Variants in MTUS2 observed in about 807,000 individuals in gnomAD.
MTUS2 encodes the protein microtubule associated scaffold protein 2, also known as microtubule-associated tumor suppressor candidate 2.
Under a neutral mutation model 114.1 loss-of-function variants are expected in MTUS2, and 40 were observed. That is an observed-to-expected ratio of 0.35 (90% CI 0.27 to 0.46). MTUS2 has a LOEUF of 0.46. Ranked by LOEUF, MTUS2 falls within the 20% of genes least tolerant of loss-of-function variation. The pLI is 1.00. For synonymous variants in MTUS2, 688 were observed against 672.0 expected (o/e 1.02, Z -0.37); for missense variants, 1,679 against 1,705.4 (o/e 0.98, Z 0.27).
chr13:28,862,851 T>C (rs192760378), intron 2 of MTUS2, among the ~76,000 whole-genome samples: 3 of 152,290 alleles, frequency 2.0e-5, no homozygotes, highest in South Asian at 4.1e-4. Context: ...CAATTAAACA[T>C]GTATGAAAAA....
At chr13:28,829,841 T>G (rs1874539624) in intron 1 of MTUS2, among the ~76,000 whole-genome samples, 1 of 152,318 alleles carries the variant, frequency 6.6e-6, no homozygotes, top group South Asian at 2.1e-4. Context: ...TTAAAAACCT[T>G]TGATGTAGTC....
At chr13:29,293,338 A>G (rs918869387) in intron 6 of MTUS2, among the ~76,000 whole-genome samples, 46 of 152,320 alleles carry the variant, frequency 3.0e-4, no homozygotes, top group African/African-American at 1.1e-3. Context: ...GGCTATAAAC[A>G]TATGAAAAGA....
chr13:29,136,391 T>C (rs1211762533), intron 5 of MTUS2, among the ~76,000 whole-genome samples: 1 of 152,188 alleles, frequency 6.6e-6, no homozygotes, highest in Non-Finnish European at 1.5e-5. Flanking sequence ...TGCATGTTAA[T>C]GAGATGACAA....
Position 29,072,939 on chromosome 13 carries a change from A to T in MTUS2, c.2447-27834A>T, listed in dbSNP as rs376901314. 1.7e-3 allele frequency among the ~76,000 whole-genome samples: 258 copies of T among 152,310 alleles called. 1 individual carries two copies. The highest frequency in any genetic ancestry group is 6.0e-3 in the African/African-American group (250 of 41,568). The stretch of plus-strand genomic sequence containing the variant: ...AGCCTGACATTTGCAGCATTTATAT[A>T]TGACTTGTACCTTACCTTTTGCTAA... On this transcript the variant is annotated intron_variant, in intron 4 of 15. Coordinates refer to ENST00000612955, the MANE Select transcript of MTUS2 (RefSeq NM_001033602.4).
intron 6 of MTUS2, among the ~76,000 whole-genome samples, chr13:29,322,652 G>A (rs1343559205): frequency 6.6e-6 from 1 of 152,206 alleles, no homozygotes; most frequent in Non-Finnish European, 1.5e-5. Context: ...TGATGAGAGG[G>A]CCACAGTAGT....
At chr13:29,230,087 A>G (rs1232408537) in intron 5 of MTUS2, among the ~76,000 whole-genome samples, 2 of 152,092 alleles carry the variant, frequency 1.3e-5, no homozygotes, top group African/African-American at 4.8e-5. Context: ...TCTACTAAAA[A>G]TACAAAAAAT....
At chr13:29,093,513 G>T (rs772550488) in intron 4 of MTUS2, among the ~76,000 whole-genome samples, 1 of 152,114 alleles carries the variant, frequency 6.6e-6, no homozygotes, top group Non-Finnish European at 1.5e-5. Flanking sequence ...ATTCCTTTTG[G>T]TCTACTGTAA....
intron 8 of MTUS2, among the ~76,000 whole-genome samples, chr13:29,383,244 G>GTATATATATATATTTATTTATT (rs1295576309): frequency 1.3e-4 from 7 of 53,450 alleles, no homozygotes; most frequent in South Asian, 1.4e-3. Context: ...GTGTGTGTGT[G>GTATATATATATATTTATTTATT]TGTGTGTGTA....
intron 5 of MTUS2, among the ~76,000 whole-genome samples, chr13:29,202,864 G>T (rs992413296): frequency 2.0e-5 from 3 of 152,196 alleles, no homozygotes; most frequent in Non-Finnish European, 4.4e-5. Flanking sequence ...ATTGCTGCCT[G>T]TTCCTTCCTC....
intron 2 of MTUS2, among the ~76,000 whole-genome samples, chr13:29,021,789 C>T (rs527743767): frequency 2.6e-4 from 39 of 152,260 alleles, no homozygotes; most frequent in African/African-American, 8.7e-4. Context: ...TCAAGGGAAA[C>T]GCTTTTAAAA....
Position 29,024,494 on chromosome 13 carries a change from T to C in MTUS2, c.-205T>C. On this transcript the variant is annotated 5_prime_UTR_variant, in exon 3 of 16. An upstream open reading frame in the 5' UTR loses its in-frame stop. Coordinates refer to ENST00000612955, the MANE Select transcript of MTUS2 (RefSeq NM_001033602.4). ...GATTGGCTCTCATTCAGCAGGAACC[T>C]AACAGATAAGTCTTCCTGCTGTATA... is the stretch of plus-strand genomic sequence containing the variant. 1.7e-6 allele frequency: 1 copy of C among 603,396 alleles called. No homozygotes were observed. The highest frequency in any genetic ancestry group is 2.3e-5 in the South Asian group (1 of 43,564). The allele number at this position is 603,396 out of a possible 1,614,324, so 37.4% of individuals were successfully genotyped here. A position where few individuals can be genotyped will look rare whatever the true frequency, so the allele number is the denominator to read the frequency against.
intron 2 of MTUS2, among the ~76,000 whole-genome samples, chr13:28,885,508 G>A (rs1878539836): frequency 6.6e-6 from 1 of 152,210 alleles, no homozygotes; most frequent in South Asian, 2.1e-4. Context: ...TAGACAGCTG[G>A]TGAATGCCCA....
chr13:29,324,215 G>C (rs1900381566), intron 6 of MTUS2, among the ~76,000 whole-genome samples: 1 of 152,244 alleles, frequency 6.6e-6, no homozygotes, highest in Non-Finnish European at 1.5e-5. Flanking sequence ...GCTATGCGCA[G>C]CTACAGCGTC....
intron 8 of MTUS2, among the ~76,000 whole-genome samples, chr13:29,393,999 C>G (rs1873713929): frequency 2.0e-5 from 3 of 152,096 alleles, no homozygotes; most frequent in Non-Finnish European, 4.4e-5. Flanking sequence ...GCAGGTTTGC[C>G]CTAAACAGTT....
At position 28,994,073 on chromosome 13, in the gene MTUS2, G is replaced by A. The variant is rs113168425; in HGVS notation, c.-242-30384G>A. On this transcript the variant is annotated intron_variant, in intron 2 of 15. Coordinates refer to ENST00000612955, the MANE Select transcript of MTUS2 (RefSeq NM_001033602.4). ...CCCCCTCCTGCCACCCACAACAGTC[G>A]CCGGTGTGTGATGTTCCCCTTCCTG... is the stretch of plus-strand genomic sequence containing the variant. 3.7e-3 allele frequency among the ~76,000 whole-genome samples: 558 copies of A among 151,888 alleles called. 3 individuals carry two copies. The highest frequency in any genetic ancestry group is 0.013 in the African/African-American group (524 of 41,386).
chr13:29,186,506 C>T (rs538419002), intron 5 of MTUS2, among the ~76,000 whole-genome samples: 4 of 152,206 alleles, frequency 2.6e-5, no homozygotes, highest in Admixed American at 2.0e-4. Context: ...ACAAAATAGA[C>T]TTTAAGGCAA....
chr13:29,389,995 ATG>A lies in MTUS2; in HGVS notation c.3117+30524_3117+30525del, dbSNP rs1450567484. On this transcript the variant is annotated intron_variant, in intron 8 of 15. Transcript: ENST00000612955. ...TATACACATACATGTATGTGTATGT[ATG>A]TATGTGTATATATACACATACATGT... is the stretch of plus-strand genomic sequence containing the variant. 3.8e-4 allele frequency among the ~76,000 whole-genome samples: 41 copies of A among 107,272 alleles called. 4 individuals carry two copies. Among genetic ancestry groups the A allele is most frequent in the African/African-American group, 1.1e-3 (31 of 29,280 alleles). 70.4% of individuals were successfully genotyped at this position (107,272 alleles called of 152,430 possible).
chr13:28,854,309 T>C (rs1876487370), intron 2 of MTUS2, among the ~76,000 whole-genome samples: 1 of 152,224 alleles, frequency 6.6e-6, no homozygotes, highest in Admixed American at 6.5e-5. Context: ...CAAGAAATTG[T>C]GGAACTAAAG....
chr13:29,100,193 A>C (rs1354776098), intron 4 of MTUS2, among the ~76,000 whole-genome samples: 1 of 152,220 alleles, frequency 6.6e-6, no homozygotes, highest in Non-Finnish European at 1.5e-5. Context: ...GCTTGAGGTT[A>C]CACAGCTCGT....
Sources: gnomAD v4.1 joint callset for allele counts (sites outside exome capture counted in the v4.1 genomes callset) on GRCh38, gnomAD v4.1.1 for gene constraint, MANE v1.5 for transcripts, NCBI Gene and HGNC (gene_info 2026-07-23, HGNC 2026-07-21) for gene names.